VAV2: variants seen among roughly 807,000 people sequenced by gnomAD.
The protein encoded by VAV2 is vav guanine nucleotide exchange factor 2, also known as guanine nucleotide exchange factor VAV2.
VAV2 carries 67 observed loss-of-function variants against 132.5 expected under a neutral mutation model. The ratio of observed to expected loss-of-function variants is 0.51; its 90% CI spans 0.42 to 0.62. The LOEUF (loss-of-function observed/expected upper bound fraction) is 0.62. Ranked by LOEUF, VAV2 falls within the 20% of genes least tolerant of loss-of-function variation. The probability of loss-of-function intolerance (pLI) is 0.00; values close to 1 mark genes in which losing one functional copy is unlikely to be tolerated. For synonymous variants in VAV2, 492 were observed against 443.5 expected, an observed-to-expected ratio of 1.11 and a Z score of -1.37; for missense variants, 938 against 1,153.6, an observed-to-expected ratio of 0.81 and a Z score of 2.71.
rs1484917869 is a variant in VAV2 at position 133,834,531 on chromosome 9, G to GC, written c.381-192dup. The stretch of plus-strand genomic sequence containing the variant: ...CAGGACGAGCCAACTGGGCCATAGG[G>GC]CAAGAGGAGACCCATGCCTACTTGC... On this transcript the variant is annotated intron_variant, in intron 3 of 29. Coordinates refer to ENST00000371850, the MANE Select transcript of VAV2 (RefSeq NM_001134398.2). This position sits in a 1 kb window ranked among gnomAD's most constrained non-coding sequence, Gnocchi z 5.9. 6.6e-6 allele frequency among the ~76,000 whole-genome samples: 1 copy of GC among 152,248 alleles called. No individual in the cohort carries two copies. Among genetic ancestry groups the GC allele is most frequent in the Non-Finnish European group, 1.5e-5 (1 of 68,036 alleles).
chr9:133,797,620 G>A, intron 10 of VAV2, 90 bp downstream of exon 10: 1 of 1,152,452 alleles, frequency 8.7e-7, no homozygotes, highest in South Asian at 1.5e-5. Flanking sequence ...CCCAACAAAT[G>A]GGCAAGAGAG....
intron 3 of VAV2, among the ~76,000 whole-genome samples, chr9:133,841,162 C>T (rs1836706701): frequency 6.6e-6 from 1 of 152,100 alleles, no homozygotes. Flanking sequence ...CCTTACTGTG[C>T]TTCCATGAGG....
At chr9:133,909,489 G>A (rs1439550289) in intron 2 of VAV2, among the ~76,000 whole-genome samples, 2 of 152,144 alleles carry the variant, frequency 1.3e-5, no homozygotes, top group African/African-American at 4.8e-5. Flanking sequence ...CCAGCTATGG[G>A]CCCCACCTCA....
rs1430060777 is a variant in VAV2, at chr9:133,824,750, G to C, written c.449+9522C>G. Among the ~76,000 whole-genome samples, 4 of 152,130 alleles carry C rather than the reference G, an allele frequency of 2.6e-5. No individual in the cohort carries two copies. The highest frequency in any genetic ancestry group is 2.6e-4 in the Admixed American group (4 of 15,276). ...CCACCCCTGGGGTTAGGGAGGGGTG[G>C]TCTGACAATGACCCTTGGAGAGACA... On this transcript the variant is annotated intron_variant, in intron 4 of 29. Transcript: ENST00000371850. This position sits in a 1 kb window ranked among gnomAD's most constrained non-coding sequence, Gnocchi z 5.2.
intron 10 of VAV2, 99 bp from the exon 11 acceptor site, chr9:133,796,623 A>C: frequency 9.1e-7 from 1 of 1,099,916 alleles, no homozygotes; most frequent in Non-Finnish European, 1.3e-6. Flanking sequence ...CTAAGCCCAG[A>C]ACTCAGGCCC....
chr9:133,987,035 A>ATATT (rs1394849222), intron 1 of VAV2, among the ~76,000 whole-genome samples: 1 of 149,224 alleles, frequency 6.7e-6, no homozygotes, highest in Non-Finnish European at 1.5e-5. Flanking sequence ...TATTTATTAT[A>ATATT]TATTTATTTA....
chr9:133,787,021 G>T (rs999521400), intron 16 of VAV2, among the ~76,000 whole-genome samples: 1 of 152,204 alleles, frequency 6.6e-6, no homozygotes, highest in African/African-American at 2.4e-5. Context: ...CGAGCTCCAG[G>T]GACTGAGGAT....
At chr9:133,870,784 T>G (rs1837995404) in intron 2 of VAV2, among the ~76,000 whole-genome samples, 1 of 122,882 alleles carries the variant, frequency 8.1e-6, no homozygotes, top group Admixed American at 8.4e-5. Flanking sequence ...TAAGTGGGTA[T>G]GTGGGTGGAT....
At chr9:133,852,585 T>C (rs1403646379) in intron 3 of VAV2, among the ~76,000 whole-genome samples, 1 of 152,154 alleles carries the variant, frequency 6.6e-6, no homozygotes, top group Non-Finnish European at 1.5e-5. Flanking sequence ...TTTTGTCTTT[T>C]AAAGACAGAC....
At chr9:133,881,635 G>A (rs1838500460) in intron 2 of VAV2, among the ~76,000 whole-genome samples, 1 of 152,236 alleles carries the variant, frequency 6.6e-6, no homozygotes, top group African/African-American at 2.4e-5. Flanking sequence ...ACTGGAAACC[G>A]CCGAGGTCCC....
chr9:133,800,610 G>A (rs939996741), intron 9 of VAV2, among the ~76,000 whole-genome samples: 1 of 152,206 alleles, frequency 6.6e-6, no homozygotes, highest in Non-Finnish European at 1.5e-5. Context: ...AAGTCTTCAT[G>A]TAGGTGGAAA....
chr9:133,854,743 C>T (rs940105275), intron 3 of VAV2, among the ~76,000 whole-genome samples: 1 of 152,206 alleles, frequency 6.6e-6, no homozygotes, highest in African/African-American at 2.4e-5. Context: ...AATTACTCCC[C>T]TCCCACTCCC....
chr9:133,898,275 A>AC (rs1456081970), intron 2 of VAV2, among the ~76,000 whole-genome samples: 1 of 152,060 alleles, frequency 6.6e-6, no homozygotes, highest in African/African-American at 2.4e-5. Flanking sequence ...TTTCTCCACA[A>AC]CGCCAGACCC....
chr9:133,908,493 C>T (rs556741892), intron 2 of VAV2, among the ~76,000 whole-genome samples: 6 of 151,806 alleles, frequency 4.0e-5, no homozygotes, highest in African/African-American at 1.2e-4. Context: ...CCAAGCCAGA[C>T]AAGGACCCGC....
chr9:133,882,657 G>A (rs1838545457), intron 2 of VAV2, among the ~76,000 whole-genome samples: 1 of 152,100 alleles, frequency 6.6e-6, no homozygotes, highest in Middle Eastern at 3.2e-3. Flanking sequence ...CTCCAGGAGA[G>A]GGCAGAATAA....
intron 24 of VAV2, among the ~76,000 whole-genome samples, chr9:133,775,812 A>C (rs772207289): frequency 3.9e-4 from 59 of 152,250 alleles, no homozygotes; most frequent in Non-Finnish European, 3.7e-4. Flanking sequence ...ACAGCTGCCT[A>C]CAGGAGAAGG....
intron 6 of VAV2, among the ~76,000 whole-genome samples, chr9:133,809,978 G>A (rs1835298519): frequency 2.6e-5 from 4 of 152,204 alleles, no homozygotes; most frequent in Admixed American, 2.6e-4. Flanking sequence ...GGTCTGCCAG[G>A]CTGCAGGTCT....
In VAV2 at chr9:133,804,988, G is replaced by C. The variant is rs921652259; in HGVS notation, c.836+1093C>G. Among the ~76,000 whole-genome samples, 8 of 152,162 alleles carry C rather than the reference G, an allele frequency of 5.3e-5. No homozygotes were observed. The highest frequency in any genetic ancestry group is 3.9e-4 in the East Asian group (2 of 5,188). On this transcript the variant is annotated intron_variant, in intron 9 of 29. Coordinates refer to ENST00000371850, the MANE Select transcript of VAV2 (RefSeq NM_001134398.2). The surrounding 1 kb of genome is among the most constrained non-coding windows in gnomAD (Gnocchi z 4.5). ...CTCCAGGACCCTCCTCACAGGGAAG[G>C]GGGGAGCGCCTTTCCTGAAGCTACA...
intron 3 of VAV2, among the ~76,000 whole-genome samples, chr9:133,858,315 C>T (rs756378192): frequency 2.9e-4 from 44 of 152,196 alleles, no homozygotes; most frequent in Non-Finnish European, 5.9e-4. Context: ...CCAACCCCAC[C>T]GGCCACCAGT....
Sources: gnomAD v4.1 joint callset for allele counts (sites outside exome capture counted in the v4.1 genomes callset) on GRCh38, gnomAD v4.1.1 for gene constraint, Gnocchi (gnomAD v3.1) non-coding constraint, MANE v1.5 for transcripts, NCBI Gene and HGNC (gene_info 2026-07-23, HGNC 2026-07-21) for gene names.